The following PCDH15 variants were observed in gnomAD, a reference collection of about 807,000 sequenced individuals.
The protein encoded by PCDH15 is protocadherin related 15.
In PCDH15, 129 loss-of-function variants were observed where a neutral mutation model predicts 178.5. The ratio of observed to expected loss-of-function variants is 0.72; its 90% CI spans 0.63 to 0.84. PCDH15 has a LOEUF of 0.84. Ranked by LOEUF, PCDH15 falls within the 40% of genes least tolerant of loss-of-function variation. The pLI is 0.00. For missense variants in PCDH15, 2,230 were observed against 2,099.9 expected, an observed-to-expected ratio of 1.06 and a Z score of -1.21; for synonymous variants, 800 against 732.0, an observed-to-expected ratio of 1.09 and a Z score of -1.50.
In PCDH15 at chr10:54,791,503, T is replaced by G. The variant is rs139448785; in HGVS notation, c.-29+9422A>C. The stretch of plus-strand genomic sequence containing the variant: ...CACAGACCTTTTCTTTTCTTAAAAT[T>G]TATATCCAGCCCAACTTCTCTTCTA... On this transcript the variant is annotated intron_variant, in intron 1 of 37. Coordinates refer to ENST00000644397, the MANE Select transcript of PCDH15 (RefSeq NM_001384140.1). 4.6e-5 allele frequency among the ~76,000 whole-genome samples: 7 copies of G among 152,064 alleles called. No individual in the cohort carries two copies. In the South Asian group the frequency reaches 8.3e-4, roughly 18 times the overall value.
intron 18 of PCDH15, among the ~76,000 whole-genome samples, chr10:54,040,831 T>C (rs775537741): frequency 6.6e-6 from 1 of 152,062 alleles, no homozygotes; most frequent in Non-Finnish European, 1.5e-5. Flanking sequence ...CATATATGTG[T>C]GTCTAAATGT....
chr10:55,196,894 CA>C (rs1840107983), intron 1 of PCDH15, among the ~76,000 whole-genome samples: 1 of 151,718 alleles, frequency 6.6e-6, no homozygotes, highest in Admixed American at 6.6e-5. Context: ...TAAACATTTA[CA>C]AAAAAATACT....
chr10:54,268,889 G>A (rs1279988084), intron 8 of PCDH15, among the ~76,000 whole-genome samples: 1 of 151,570 alleles, frequency 6.6e-6, no homozygotes, highest in Non-Finnish European at 1.5e-5. Context: ...GAATGTCTAT[G>A]ACTTATTTTT....
chr10:54,147,407 T>A lies in PCDH15; in HGVS notation c.1784+5693A>T, dbSNP rs534023802. Among the ~76,000 whole-genome samples, 116 of 152,002 alleles carry A rather than the reference T, an allele frequency of 7.6e-4. 1 individual carries two copies. The highest frequency in any genetic ancestry group is 2.7e-3 in the African/African-American group (113 of 41,542). Reference sequence around the variant, plus strand: ...TGGCACTTTGTTTTCTGGCGTGGAATACAATTTTACTTAAGTAAAAAACAT... The same window carrying A: ...TGGCACTTTGTTTTCTGGCGTGGAAAACAATTTTACTTAAGTAAAAAACAT... On this transcript the variant is annotated intron_variant, in intron 14 of 37. Transcript: ENST00000644397.
rs528476924 is a variant in PCDH15, at chr10:55,308,168, T to C, written c.-156+11431A>G. Among the ~76,000 whole-genome samples the C allele has an allele frequency of 1.1e-4, 16 of 152,284 alleles. No individual in the cohort carries two copies. The South Asian group carries it at 3.3e-3, about 32-fold the overall frequency. ...TGGGGAGATTATAATGAGACCTAAT[T>C]AATCTGATTAAATGTGAAAAGGAGT... is the stretch of plus-strand genomic sequence containing the variant. On this transcript the variant is annotated intron_variant, in intron 1 of 5. Coordinates refer to the PCDH15 transcript ENST00000458638.
chr10:54,395,419 G>A (rs1170024564), intron 3 of PCDH15, among the ~76,000 whole-genome samples: 1 of 127,612 alleles, frequency 7.8e-6, no homozygotes, highest in Non-Finnish European at 1.8e-5. Flanking sequence ...CTATCTCTAT[G>A]TGCATGTATT....
At chr10:53,817,550 G>C in intron 34 of PCDH15, among the ~76,000 whole-genome samples, 1 of 127,952 alleles carries the variant, frequency 7.8e-6, no homozygotes, top group South Asian at 2.5e-4. Context: ...TTGAGACAGA[G>C]TCTCACTTTT....
intron 1 of PCDH15, among the ~76,000 whole-genome samples, chr10:55,281,798 T>C (rs962741103): frequency 3.9e-5 from 6 of 152,176 alleles, no homozygotes; most frequent in Admixed American, 3.3e-4. Context: ...GAATTTTCTC[T>C]TTTGATAAAT....
intron 1 of PCDH15, among the ~76,000 whole-genome samples, chr10:54,703,444 T>C (rs2095334043): frequency 6.6e-6 from 1 of 152,092 alleles, no homozygotes; most frequent in African/African-American, 2.4e-5. Flanking sequence ...AAACTGTCTC[T>C]ATGTGCAGAT....
intron 5 of PCDH15, among the ~76,000 whole-genome samples, chr10:54,364,551 C>T (rs1212007433): frequency 6.6e-6 from 1 of 152,114 alleles, no homozygotes; most frequent in Non-Finnish European, 1.5e-5. Context: ...TTGGATACAT[C>T]ATTTTAAAAT....
chr10:54,698,259 A>G (rs1304801891), intron 1 of PCDH15, among the ~76,000 whole-genome samples: 9 of 152,166 alleles, frequency 5.9e-5, no homozygotes, highest in Admixed American at 5.9e-4. Context: ...GCTAATTTGA[A>G]GTATTGGAAT....
rs759127233 is a variant in PCDH15 at position 54,329,623 on chromosome 10, A to G, written c.678T>C (p.Thr226=). 6.2e-6 allele frequency: 10 copies of G among 1,602,646 alleles called. No homozygotes were observed. Among genetic ancestry groups the G allele is most frequent in the Non-Finnish European group, 6.8e-6 (8 of 1,170,070 alleles). The change falls in exon 7 of 38, where the codon ACT becomes ACC. Residue 226 remains threonine, a synonymous_variant. Coordinates refer to ENST00000644397, the MANE Select transcript of PCDH15 (RefSeq NM_001384140.1). Reference sequence around the variant, plus strand: ...TAGCTTGGATTATGACAAAGTAGCGAGTCTTATCTTCATAGTTGAGCCTCT... The same window carrying G: ...TAGCTTGGATTATGACAAAGTAGCGGGTCTTATCTTCATAGTTGAGCCTCT... The part of the protein sequence containing the change: ...LRKRLNYEDK[T]RYFVIIQAND...
intron 15 of PCDH15, among the ~76,000 whole-genome samples, chr10:54,097,259 C>G (rs368050131): frequency 2.6e-5 from 4 of 152,312 alleles, no homozygotes; most frequent in African/African-American, 9.6e-5. Flanking sequence ...ATCTATCCCT[C>G]TCCTATTACT....
At chr10:54,095,616 C>T (rs1010641987) in intron 15 of PCDH15, among the ~76,000 whole-genome samples, 1 of 151,930 alleles carries the variant, frequency 6.6e-6, no homozygotes, top group African/African-American at 2.4e-5. Flanking sequence ...GCCCAGGAAG[C>T]AAAATAAAAT....
intron 7 of PCDH15, among the ~76,000 whole-genome samples, chr10:54,319,862 A>G (rs570842916): frequency 6.6e-6 from 1 of 152,036 alleles, no homozygotes; most frequent in African/African-American, 2.4e-5. Flanking sequence ...GGTTGCTCAT[A>G]AAAACTTGTA....
chr10:54,951,551 G>A (rs1838338903), intron 2 of PCDH15, among the ~76,000 whole-genome samples: 1 of 151,888 alleles, frequency 6.6e-6, no homozygotes, highest in Non-Finnish European at 1.5e-5. Context: ...GTGGTTATTA[G>A]TTTTCACCAC....
chr10:55,177,803 T>C lies in PCDH15; in HGVS notation c.-155-11152A>G, dbSNP rs558775782. Among the ~76,000 whole-genome samples the C allele has an allele frequency of 2.0e-5, 3 of 152,248 alleles. No individual in the cohort carries two copies. In the South Asian group the frequency reaches 6.2e-4, roughly 32 times the overall value. On this transcript the variant is annotated intron_variant, in intron 1 of 5. Coordinates refer to the PCDH15 transcript ENST00000458638. ...GCAAACAGATAGTAGTACAAATCTA[T>C]GCAGCCAGAGAGAACCTCAAAGAAA...
chr10:54,751,659 C>A (rs1353094684), intron 1 of PCDH15, among the ~76,000 whole-genome samples: 1 of 152,162 alleles, frequency 6.6e-6, no homozygotes, highest in Non-Finnish European at 1.5e-5. Context: ...AAAATCACTT[C>A]TTTGAATCCA....
chr10:55,460,293 G>A (rs1426173809), intron 2 of PCDH15, among the ~76,000 whole-genome samples: 2 of 151,112 alleles, frequency 1.3e-5, no homozygotes, highest in East Asian at 1.9e-4. Context: ...ATGTGTATTG[G>A]GATGGCTAAA....
Sources: gnomAD v4.1 joint callset for allele counts (sites outside exome capture counted in the v4.1 genomes callset) on GRCh38, gnomAD v4.1.1 for gene constraint, MANE v1.5 for transcripts, NCBI Gene and HGNC (gene_info 2026-07-23, HGNC 2026-07-21) for gene names.